NRXN3: variants seen among roughly 807,000 people sequenced by gnomAD.
NRXN3 encodes neurexin 3, also known as neurexin III.
Under a neutral mutation model 137.6 loss-of-function variants are expected in NRXN3, and 32 were observed. The observed-to-expected ratio is 0.23, with a 90% CI of 0.18 to 0.31. The LOEUF (loss-of-function observed/expected upper bound fraction) is 0.31, where lower values mean the gene tolerates loss of function less well. Ranked by LOEUF, NRXN3 falls within the 10% of genes least tolerant of loss-of-function variation. The pLI, the probability that NRXN3 is intolerant of heterozygous loss-of-function variation, is 1.00. For synonymous variants in NRXN3, 798 were observed against 784.5 expected, an observed-to-expected ratio of 1.02 and a Z score of -0.29; for missense variants, 1,574 against 2,062.5, an observed-to-expected ratio of 0.76 and a Z score of 4.59.
chr14:78,231,012 A>T (rs1312359395), intron 1 of NRXN3, among the ~76,000 whole-genome samples: 4 of 152,152 alleles, frequency 2.6e-5, no homozygotes, highest in Non-Finnish European at 5.9e-5. Context: ...GGTGTAGTAG[A>T]ATTGATAGGA....
chr14:78,314,414 C>T (rs141760695), intron 4 of NRXN3, among the ~76,000 whole-genome samples: 81 of 152,294 alleles, frequency 5.3e-4, no homozygotes, highest in African/African-American at 1.8e-3. Context: ...TGGGGGATCT[C>T]TACTCCACAC....
chr14:78,788,587 CACTT>C, intron 8 of NRXN3, among the ~76,000 whole-genome samples: 1 of 152,284 alleles, frequency 6.6e-6, no homozygotes, highest in African/African-American at 2.4e-5. Context: ...GGTCTCCACT[CACTT>C]TATCTCTTTC....
At chr14:78,827,980 T>C (rs776953674) in intron 10 of NRXN3, among the ~76,000 whole-genome samples, 1 of 152,248 alleles carries the variant, frequency 6.6e-6, no homozygotes, top group Admixed American at 6.5e-5. Flanking sequence ...GGTAATGTTC[T>C]TCTATTCAAA....
chr14:78,522,905 A>G (rs1003941744), intron 4 of NRXN3, among the ~76,000 whole-genome samples: 1 of 152,152 alleles, frequency 6.6e-6, no homozygotes, highest in African/African-American at 2.4e-5. Flanking sequence ...TCAATATCTA[A>G]CGGTATTCTT....
intron 20 of NRXN3, among the ~76,000 whole-genome samples, chr14:79,809,384 C>T (rs2099223278): frequency 6.6e-6 from 1 of 152,172 alleles, no homozygotes; most frequent in African/African-American, 2.4e-5. Context: ...AGTGATCCAT[C>T]CACTTCAGTC....
At chr14:79,819,177 T>C (rs1055836877) in intron 20 of NRXN3, among the ~76,000 whole-genome samples, 7 of 152,210 alleles carry the variant, frequency 4.6e-5, no homozygotes, top group African/African-American at 1.7e-4. Flanking sequence ...TTGAGCGTCT[T>C]ACAGTCCCTG....
At chr14:79,820,121 G>A (rs1011493418) in intron 20 of NRXN3, among the ~76,000 whole-genome samples, 10 of 152,062 alleles carry the variant, frequency 6.6e-5, no homozygotes, top group African/African-American at 2.2e-4. Context: ...ACTGAGATAC[G>A]ATTTCACAAC....
intron 14 of NRXN3, among the ~76,000 whole-genome samples, chr14:78,981,969 G>C (rs979117437): frequency 6.6e-6 from 1 of 152,136 alleles, no homozygotes; most frequent in Non-Finnish European, 1.5e-5. Flanking sequence ...CTAGAGTCTA[G>C]CCCAGACTCT....
chr14:78,186,027 G>A (rs990660082), intron 1 of NRXN3, among the ~76,000 whole-genome samples: 17 of 152,162 alleles, frequency 1.1e-4, no homozygotes, highest in African/African-American at 4.1e-4. Flanking sequence ...TAATGTCCCT[G>A]GATTTGGCAG....
chr14:79,500,368 C>T (rs7151972), intron 16 of NRXN3, among the ~76,000 whole-genome samples: 61,298 of 151,752 alleles, frequency 0.4, 12,418 homozygotes, highest in South Asian at 0.47. Flanking sequence ...TCATCTTGAG[C>T]GAGGGATACT....
At chr14:79,067,098 G>T (rs1253999054) in intron 15 of NRXN3, among the ~76,000 whole-genome samples, 1 of 151,986 alleles carries the variant, frequency 6.6e-6, no homozygotes, top group African/African-American at 2.4e-5. Context: ...TATTGACTGT[G>T]GGTTTGTCAT....
At chr14:79,019,207 T>C (rs1280743699) in intron 15 of NRXN3, among the ~76,000 whole-genome samples, 3 of 152,150 alleles carry the variant, frequency 2.0e-5, no homozygotes, top group Non-Finnish European at 4.4e-5. Flanking sequence ...TAAACTCCTG[T>C]GTTGGGATGA....
At chr14:79,212,384 G>A (rs1416854571) in intron 15 of NRXN3, among the ~76,000 whole-genome samples, 1 of 152,010 alleles carries the variant, frequency 6.6e-6, no homozygotes, top group African/African-American at 2.4e-5. Context: ...GCATAGTTTT[G>A]GCCTCTGATA....
chr14:79,574,761 G>A (rs2097649274), intron 16 of NRXN3, among the ~76,000 whole-genome samples: 1 of 152,066 alleles, frequency 6.6e-6, no homozygotes, highest in Non-Finnish European at 1.5e-5. Context: ...AAAGAAGAAT[G>A]GAAATATTTG....
intron 15 of NRXN3, among the ~76,000 whole-genome samples, chr14:79,150,708 TAA>T (rs3035607): frequency 0.11 from 16,465 of 146,544 alleles, 1,463 homozygotes; most frequent in Admixed American, 0.32. Flanking sequence ...ATTAGATAAA[TAA>T]AAAAAAAAAA....
intron 8 of NRXN3, among the ~76,000 whole-genome samples, chr14:78,747,158 A>T (rs994144194): frequency 1.1e-4 from 16 of 152,258 alleles, no homozygotes; most frequent in African/African-American, 3.1e-4. Flanking sequence ...CTGGTGTTTC[A>T]CATTCTGCCA....
chr14:79,341,924 G>A (rs886591103), intron 15 of NRXN3, among the ~76,000 whole-genome samples: 2 of 152,304 alleles, frequency 1.3e-5, no homozygotes, highest in Non-Finnish European at 1.5e-5. Flanking sequence ...ATTAAAATAT[G>A]AGGTTTGTAA....
intron 15 of NRXN3, among the ~76,000 whole-genome samples, chr14:79,081,918 A>G (rs922001786): frequency 6.6e-6 from 1 of 152,150 alleles, no homozygotes; most frequent in South Asian, 2.1e-4. Context: ...TAGTTTGAAA[A>G]GACATGAGGA....
rs150934853 is a variant in NRXN3, at chr14:79,435,405, C to T, written c.3263-31816C>T. On this transcript the variant is annotated intron_variant, in intron 15 of 20. Transcript: ENST00000335750. Reference sequence around the variant, plus strand: ...TAAATAGGAAAAAATCTTTTGTGCACGTGTTGCTGGTGGGATTGGGACATG... The same window carrying T: ...TAAATAGGAAAAAATCTTTTGTGCATGTGTTGCTGGTGGGATTGGGACATG... 7.3e-3 allele frequency among the ~76,000 whole-genome samples: 1,105 copies of T among 151,878 alleles called. 18 individuals carry two copies. Among genetic ancestry groups the T allele is most frequent in the African/African-American group, 0.025 (1,050 of 41,386 alleles).
Sources: gnomAD v4.1 joint callset for allele counts (sites outside exome capture counted in the v4.1 genomes callset) on GRCh38, gnomAD v4.1.1 for gene constraint, MANE v1.5 for transcripts, NCBI Gene and HGNC (gene_info 2026-07-23, HGNC 2026-07-21) for gene names.